The following CALN1 variants were observed in gnomAD, a reference collection of about 807,000 sequenced individuals.
CALN1 encodes the protein calneuron 1.
In CALN1, 17 loss-of-function variants were observed where a neutral mutation model predicts 30.6. That is an observed-to-expected ratio of 0.56 (90% CI 0.38 to 0.83). The LOEUF (loss-of-function observed/expected upper bound fraction) is 0.83. Ranked by LOEUF, CALN1 falls within the 40% of genes least tolerant of loss-of-function variation. The probability of loss-of-function intolerance (pLI) is 0.00; values close to 1 mark genes in which losing one functional copy is unlikely to be tolerated. For missense variants in CALN1, 291 were observed against 354.9 expected (o/e 0.82, Z 1.45); for synonymous variants, 156 against 131.4 (o/e 1.19, Z -1.28).
At chr7:72,158,813 G>A (rs900341732) in intron 3 of CALN1, among the ~76,000 whole-genome samples, 10 of 152,106 alleles carry the variant, frequency 6.6e-5, no homozygotes, top group African/African-American at 2.4e-4. Context: ...CCCTGTAGCT[G>A]CCCTATCTCT....
intron 3 of CALN1, among the ~76,000 whole-genome samples, chr7:72,220,790 C>A (rs1302983848): frequency 2.6e-5 from 4 of 152,168 alleles, no homozygotes; most frequent in Non-Finnish European, 2.9e-5. Flanking sequence ...TCTCTGATGG[C>A]CAGTGATGAT....
intron 1 of CALN1, among the ~76,000 whole-genome samples, chr7:72,404,508 C>T (rs1201168883): frequency 1.3e-5 from 2 of 152,222 alleles, no homozygotes; most frequent in Non-Finnish European, 2.9e-5. Context: ...AAAGCCCCGG[C>T]CACCATGGAT....
intron 3 of CALN1, among the ~76,000 whole-genome samples, chr7:72,209,804 T>G (rs898463328): frequency 7.2e-5 from 11 of 152,174 alleles, no homozygotes; most frequent in African/African-American, 2.6e-4. Context: ...TGGCCCTTTG[T>G]CTCTGGATTC....
chr7:72,239,776 G>C (rs983483763), intron 3 of CALN1, among the ~76,000 whole-genome samples: 6 of 152,062 alleles, frequency 3.9e-5, no homozygotes, highest in Non-Finnish European at 7.4e-5. Context: ...GATCCCAACA[G>C]GGTTCAGAAG....
intron 3 of CALN1, among the ~76,000 whole-genome samples, chr7:72,180,524 C>CT (rs35465505): frequency 0.029 from 3,247 of 113,642 alleles, 62 homozygotes; most frequent in Non-Finnish European, 0.048. Flanking sequence ...AGAAGGTGTC[C>CT]TTTTTTTTTT....
Position 72,168,692 on chromosome 7 carries a change from G to A in CALN1, c.245-62398C>T, listed in dbSNP as rs1277942907. Among the ~76,000 whole-genome samples, 4 of 151,876 alleles carry A rather than the reference G, an allele frequency of 2.6e-5. No individual in the cohort carries two copies. In the East Asian group the frequency reaches 5.8e-4, roughly 22 times the overall value. The stretch of plus-strand genomic sequence containing the variant: ...ATTATCATAATTTTATTTGTTATAA[G>A]CTGTCAATACAATATGCCATACTAC... On this transcript the variant is annotated intron_variant, in intron 3 of 6. Transcript: ENST00000395275.
intron 2 of CALN1, 109 bp downstream of exon 2, chr7:72,403,142 C>G: frequency 1.3e-6 from 1 of 752,572 alleles, no homozygotes; most frequent in South Asian, 1.8e-5. Flanking sequence ...AGATTCTCCT[C>G]TCCAGCCTAG....
intron 2 of CALN1, among the ~76,000 whole-genome samples, chr7:72,284,926 C>T (rs968694110): frequency 2.0e-5 from 3 of 152,026 alleles, no homozygotes; most frequent in Non-Finnish European, 4.4e-5. Context: ...CACATTAATG[C>T]ACCTTCCTTT....
At chr7:72,280,803 T>C (rs1281654199) in intron 2 of CALN1, among the ~76,000 whole-genome samples, 1 of 152,154 alleles carries the variant, frequency 6.6e-6, no homozygotes, top group East Asian at 1.9e-4. Context: ...ATTAATGCTG[T>C]TATTGCAGGC....
At chr7:72,409,327 A>G (rs1806944426) in intron 1 of CALN1, among the ~76,000 whole-genome samples, 1 of 151,598 alleles carries the variant, frequency 6.6e-6, no homozygotes, top group Non-Finnish European at 1.5e-5. Context: ...TGTGCTTGTA[A>G]CCCATGCACC....
At chr7:72,091,667 G>C (rs1448587448) in intron 4 of CALN1, among the ~76,000 whole-genome samples, 1 of 152,172 alleles carries the variant, frequency 6.6e-6, no homozygotes, top group Non-Finnish European at 1.5e-5. Context: ...AAAGCCTATA[G>C]AGACCAAGCC....
At position 72,054,215 on chromosome 7, in the gene CALN1, T is replaced by G. The variant is rs187908990; in HGVS notation, c.389-30446A>C. Reference sequence around the variant, plus strand: ...TCTACATTTAGTTCTTTAAGGAATCTCCACACTGTTTTCCGTAGCGGCTGT... The same window carrying G: ...TCTACATTTAGTTCTTTAAGGAATCGCCACACTGTTTTCCGTAGCGGCTGT... On this transcript the variant is annotated intron_variant, in intron 4 of 6. Transcript: ENST00000395275. Among the ~76,000 whole-genome samples, 672 of 152,104 alleles carry G rather than the reference T, an allele frequency of 4.4e-3. 11 individuals carry two copies. The highest frequency in any genetic ancestry group is 0.013 in the African/African-American group (551 of 41,494).
intron 3 of CALN1, among the ~76,000 whole-genome samples, chr7:72,115,088 A>G (rs1807872893): frequency 6.8e-6 from 1 of 147,920 alleles, no homozygotes; most frequent in South Asian, 2.1e-4. Context: ...ATATATGGAC[A>G]TTATACTATA....
the CALN1 span, among the ~76,000 whole-genome samples, chr7:72,495,728 G>A: frequency 5.3e-5 from 8 of 152,196 alleles, no homozygotes; most frequent in Admixed American, 1.3e-4. Flanking sequence ...GAGGCAAATC[G>A]TTATTGCTTC....
At chr7:71,998,348 AAT>A (rs1799355097) in intron 5 of CALN1, among the ~76,000 whole-genome samples, 1 of 152,156 alleles carries the variant, frequency 6.6e-6, no homozygotes, top group Non-Finnish European at 1.5e-5. Flanking sequence ...GGGTACATAC[AAT>A]AGACTATCCT....
At chr7:72,082,976 C>A (rs902239374) in intron 4 of CALN1, among the ~76,000 whole-genome samples, 2 of 151,600 alleles carry the variant, frequency 1.3e-5, no homozygotes, top group Non-Finnish European at 2.9e-5. Context: ...CTGAGGAGGG[C>A]AGTCACCTGA....
chr7:72,362,949 G>T (rs1053771521), intron 2 of CALN1, among the ~76,000 whole-genome samples: 8 of 152,206 alleles, frequency 5.3e-5, no homozygotes, highest in Non-Finnish European at 1.0e-4. Flanking sequence ...CCCGTCACAG[G>T]CCAGCAGCCT....
chr7:72,202,484 T>G (rs1413126269), intron 3 of CALN1, among the ~76,000 whole-genome samples: 1 of 152,202 alleles, frequency 6.6e-6, no homozygotes, highest in Non-Finnish European at 1.5e-5. Context: ...TGGCAGAATA[T>G]GTATTGAAAT....
chr7:72,408,086 T>C (rs151272070), intron 1 of CALN1, among the ~76,000 whole-genome samples: 21 of 152,164 alleles, frequency 1.4e-4, no homozygotes, highest in African/African-American at 4.3e-4. Flanking sequence ...TAAACATATA[T>C]TGAACACACA....
Sources: allele counts gnomAD v4.1 joint callset (sites outside exome capture counted in the v4.1 genomes callset), GRCh38; gene constraint gnomAD v4.1.1; transcripts MANE v1.5; gene names NCBI Gene and HGNC (gene_info 2026-07-23, HGNC 2026-07-21).